Variants in TMEFF1 observed in about 807,000 individuals in gnomAD.
TMEFF1 encodes the protein tomoregulin-1.
A neutral mutation model predicts 47.5 loss-of-function variants in TMEFF1; 20 were observed. The observed-to-expected ratio is 0.42, with a 90% CI of 0.30 to 0.61. The LOEUF (loss-of-function observed/expected upper bound fraction) is 0.61, where lower values mean the gene tolerates loss of function less well. Ranked by LOEUF, TMEFF1 falls within the 20% of genes least tolerant of loss-of-function variation. TMEFF1 has a pLI of 0.19. For missense variants in TMEFF1, 411 were observed against 471.1 expected (o/e 0.87, Z 1.18); for synonymous variants, 162 against 166.3 (o/e 0.97, Z 0.20).
intron 5 of TMEFF1, among the ~76,000 whole-genome samples, chr9:100,546,304 G>C (rs750979400): frequency 2.2e-4 from 34 of 152,130 alleles, no homozygotes; most frequent in Non-Finnish European, 4.3e-4. Flanking sequence ...CACATCTTAC[G>C]TGGATGGCAG....
At chr9:100,532,763 A>G (rs1240117635) in intron 5 of TMEFF1, among the ~76,000 whole-genome samples, 2 of 152,168 alleles carry the variant, frequency 1.3e-5, no homozygotes, top group African/African-American at 4.8e-5. Context: ...ACTATAAATC[A>G]TGCTGCTATA....
chr9:100,558,786 G>T (rs1838962453), intron 7 of TMEFF1, among the ~76,000 whole-genome samples: 1 of 151,710 alleles, frequency 6.6e-6, no homozygotes, highest in East Asian at 1.9e-4. Flanking sequence ...AACAATACTT[G>T]GTAATACTTA....
intron 2 of TMEFF1, among the ~76,000 whole-genome samples, chr9:100,501,643 A>T (rs1239908923): frequency 6.6e-6 from 1 of 151,836 alleles, no homozygotes; most frequent in African/African-American, 2.4e-5. Context: ...ATTTATTTTT[A>T]TTTATTTATT....
chr9:100,532,160 C>T (rs1368543793), intron 5 of TMEFF1, among the ~76,000 whole-genome samples: 2 of 151,976 alleles, frequency 1.3e-5, no homozygotes, highest in Non-Finnish European at 2.9e-5. Flanking sequence ...CTAGGCATTA[C>T]CATTCAGGAC....
At chr9:100,513,162 AGAATAAATAAGAT>A (rs1837999238) in intron 3 of TMEFF1, 132 bp from the exon 4 acceptor site, 5 of 1,109,348 alleles carry the variant, frequency 4.5e-6, no homozygotes, top group Non-Finnish European at 6.4e-6. Context: ...TAAGTATGTA[AGAATAAATAAGAT>A]ATCAAAAATA....
At chr9:100,557,595 A>G (rs1044325542) in intron 7 of TMEFF1, among the ~76,000 whole-genome samples, 2 of 152,092 alleles carry the variant, frequency 1.3e-5, no homozygotes, top group African/African-American at 4.8e-5. Context: ...GTCTAAATCT[A>G]TTTATGCTCT....
chr9:100,542,495 G>T (rs1485278888), intron 5 of TMEFF1, among the ~76,000 whole-genome samples: 1 of 152,036 alleles, frequency 6.6e-6, no homozygotes, highest in Admixed American at 6.6e-5. Context: ...CTCCTTCCAA[G>T]TTACTTTTAT....
intron 7 of TMEFF1, among the ~76,000 whole-genome samples, chr9:100,553,934 A>G (rs1419616703): frequency 6.6e-6 from 1 of 152,168 alleles, no homozygotes; most frequent in Non-Finnish European, 1.5e-5. Flanking sequence ...AATTGATACC[A>G]TTTCCACCTG....
At chr9:100,487,475 C>G (rs1202283512) in intron 1 of TMEFF1, among the ~76,000 whole-genome samples, 1 of 152,140 alleles carries the variant, frequency 6.6e-6, no homozygotes, top group Non-Finnish European at 1.5e-5. Flanking sequence ...GCCTCCTTCT[C>G]TCTCTAAAGT....
intron 1 of TMEFF1, among the ~76,000 whole-genome samples, chr9:100,497,109 G>A (rs1263891101): frequency 6.6e-6 from 1 of 152,064 alleles, no homozygotes; most frequent in East Asian, 1.9e-4. Context: ...CTATACCTAG[G>A]ATTGAGCCTC....
chr9:100,508,179 T>C (rs1837895392), intron 2 of TMEFF1, among the ~76,000 whole-genome samples: 1 of 152,264 alleles, frequency 6.6e-6, no homozygotes, highest in African/African-American at 2.4e-5. Context: ...TATTAATTTG[T>C]ATGATCTATT....
intron 2 of TMEFF1, among the ~76,000 whole-genome samples, chr9:100,502,640 G>A (rs1362248568): frequency 6.6e-6 from 1 of 152,146 alleles, no homozygotes; most frequent in Non-Finnish European, 1.5e-5. Context: ...GGGATTACGG[G>A]TATGAGCTGC....
rs1447072223 is a variant in TMEFF1 at position 100,507,996 on chromosome 9, A to G, written c.307-1009A>G. ...CCCAAAGTAGAACCAAAACTGGTGTAGTGGGATGTCCACCTAATTGAATTT... is the reference window on the plus strand; with the variant it reads ...CCCAAAGTAGAACCAAAACTGGTGTGGTGGGATGTCCACCTAATTGAATTT... On this transcript the variant is annotated intron_variant, in intron 2 of 9. Coordinates refer to ENST00000374879, the MANE Select transcript of TMEFF1 (RefSeq NM_003692.5). Among the ~76,000 whole-genome samples the G allele has an allele frequency of 2.0e-5, 3 of 152,230 alleles. No homozygotes were observed. The South Asian group carries it at 6.2e-4, about 32-fold the overall frequency.
At chr9:100,568,565 G>A (rs561470302) in intron 8 of TMEFF1, among the ~76,000 whole-genome samples, 3 of 149,708 alleles carry the variant, frequency 2.0e-5, no homozygotes, top group Non-Finnish European at 4.5e-5. Context: ...TGTGTCAACT[G>A]TCCTCCCTCC....
intron 8 of TMEFF1, among the ~76,000 whole-genome samples, chr9:100,571,120 A>C (rs1372907054): frequency 6.6e-6 from 1 of 152,044 alleles, no homozygotes; most frequent in Non-Finnish European, 1.5e-5. Flanking sequence ...ACTTATTTTC[A>C]TCTTCCCCTT....
chr9:100,546,153 G>A (rs1483238655), intron 5 of TMEFF1, among the ~76,000 whole-genome samples: 1 of 152,074 alleles, frequency 6.6e-6, no homozygotes, highest in Non-Finnish European at 1.5e-5. Context: ...CCAGTTTATT[G>A]TATTAATCTG....
chr9:100,487,012 G>T (rs1053679206), intron 1 of TMEFF1, among the ~76,000 whole-genome samples: 2 of 152,060 alleles, frequency 1.3e-5, no homozygotes, highest in Non-Finnish European at 2.9e-5. Flanking sequence ...TGCTGATGTT[G>T]CTGTATCAAT....
intron 2 of TMEFF1, among the ~76,000 whole-genome samples, chr9:100,508,419 A>AGC (rs1784489229): frequency 6.6e-6 from 1 of 151,940 alleles, no homozygotes; most frequent in African/African-American, 2.4e-5. Flanking sequence ...GCTTTTCTTG[A>AGC]ATACTTCAGC....
At chr9:100,529,090 A>G (rs902542968) in intron 5 of TMEFF1, among the ~76,000 whole-genome samples, 3 of 150,232 alleles carry the variant, frequency 2.0e-5, no homozygotes, top group African/African-American at 7.3e-5. Flanking sequence ...TCCTGAAGGA[A>G]GCGCTAAACA....
Sources: allele counts gnomAD v4.1 joint callset (sites outside exome capture counted in the v4.1 genomes callset), GRCh38; gene constraint gnomAD v4.1.1; transcripts MANE v1.5; gene names NCBI Gene and HGNC (gene_info 2026-07-23, HGNC 2026-07-21).